ABTB3: variants seen among roughly 807,000 people sequenced by gnomAD.
The protein encoded by ABTB3 is ankyrin repeat and BTB domain containing 3, also known as ankyrin repeat- and BTB/POZ domain-containing protein 3.
At chr12:107,601,095 G>C in the ABTB3 span, among the ~76,000 whole-genome samples, 1 of 152,180 alleles carries the variant, frequency 6.6e-6, no homozygotes, top group Non-Finnish European at 1.5e-5. Flanking sequence ...GTGCTAAGTG[G>C]TTCAAAAGAA....
chr12:107,500,063 G>GAGGA, the ABTB3 span, among the ~76,000 whole-genome samples: 1 of 152,116 alleles, frequency 6.6e-6, no homozygotes, highest in Non-Finnish European at 1.5e-5. Context: ...AACAGCCATG[G>GAGGA]AGGAAATCAC....
the ABTB3 span, among the ~76,000 whole-genome samples, chr12:107,499,468 T>C: frequency 2.6e-5 from 4 of 152,112 alleles, no homozygotes; most frequent in Non-Finnish European, 5.9e-5. Flanking sequence ...AAAGGCTCTC[T>C]AATAAATTAA....
the ABTB3 span, chr12:107,581,417 G>C: frequency 1.1e-6 from 1 of 873,302 alleles, no homozygotes; most frequent in Non-Finnish European, 1.5e-6. Context: ...CACCTCGGCG[G>C]CGCTGGGGTG....
chr12:107,574,335 T>C, the ABTB3 span, among the ~76,000 whole-genome samples: 8 of 152,242 alleles, frequency 5.3e-5, no homozygotes, highest in African/African-American at 1.9e-4. Flanking sequence ...CTTCCCTGGT[T>C]TCTGACTTGA....
the ABTB3 span, among the ~76,000 whole-genome samples, chr12:107,439,558 C>A: frequency 6.6e-6 from 1 of 152,184 alleles, no homozygotes; most frequent in Admixed American, 6.5e-5. Context: ...CCCACCTCTC[C>A]TTCCCCCTGC....
the ABTB3 span, among the ~76,000 whole-genome samples, chr12:107,564,182 G>A: frequency 6.6e-6 from 1 of 151,298 alleles, no homozygotes; most frequent in Non-Finnish European, 1.5e-5. Context: ...TTAGGGTTGG[G>A]AGGGGCTCTG....
the ABTB3 span, among the ~76,000 whole-genome samples, chr12:107,611,584 T>C: frequency 3.3e-5 from 5 of 152,248 alleles, no homozygotes; most frequent in African/African-American, 1.2e-4. Context: ...CAAATTACTT[T>C]TATTAATAAT....
the ABTB3 span, among the ~76,000 whole-genome samples, chr12:107,410,532 G>A: frequency 6.6e-6 from 1 of 152,218 alleles, no homozygotes; most frequent in Admixed American, 6.5e-5. Flanking sequence ...GAAGGGAATA[G>A]AGTTCCTGCA....
the ABTB3 span, among the ~76,000 whole-genome samples, chr12:107,422,337 G>T: frequency 6.6e-6 from 1 of 152,196 alleles, no homozygotes; most frequent in East Asian, 1.9e-4. Context: ...GGCCAGATCT[G>T]CAAGGCCTTA....
At chr12:107,423,085 T>C in the ABTB3 span, among the ~76,000 whole-genome samples, 1 of 151,822 alleles carries the variant, frequency 6.6e-6, no homozygotes, top group Non-Finnish European at 1.5e-5. Flanking sequence ...TCTTGTGTGC[T>C]CAATCTGGAA....
the ABTB3 span, among the ~76,000 whole-genome samples, chr12:107,427,638 C>T: frequency 5.6e-4 from 85 of 152,288 alleles, no homozygotes; most frequent in East Asian, 9.5e-3. Context: ...GAATTGATCA[C>T]ATCTGCAGAG....
At chr12:107,451,668 C>T in the ABTB3 span, among the ~76,000 whole-genome samples, 1 of 151,938 alleles carries the variant, frequency 6.6e-6, no homozygotes, top group African/African-American at 2.4e-5. Flanking sequence ...TCTCCACCCC[C>T]ACCTTTCCTT....
the ABTB3 span, among the ~76,000 whole-genome samples, chr12:107,619,727 T>C: frequency 6.6e-6 from 1 of 152,212 alleles, no homozygotes; most frequent in African/African-American, 2.4e-5. Context: ...TCTAATAATA[T>C]GAGCAGCATA....
At chr12:107,325,530 G>A in the ABTB3 span, among the ~76,000 whole-genome samples, 1 of 152,110 alleles carries the variant, frequency 6.6e-6, no homozygotes, top group African/African-American at 2.4e-5. Flanking sequence ...TCAGTGCTGG[G>A]GCATTTGCAA....
the ABTB3 span, among the ~76,000 whole-genome samples, chr12:107,554,334 A>C: frequency 1.3e-5 from 2 of 150,314 alleles, no homozygotes; most frequent in Non-Finnish European, 3.0e-5. Flanking sequence ...ATCAATTAGG[A>C]AGAATAGTTC....
the ABTB3 span, among the ~76,000 whole-genome samples, chr12:107,547,195 AAGAAGAAGG>A: frequency 1.6e-4 from 24 of 151,484 alleles, no homozygotes; most frequent in African/African-American, 5.8e-4. Context: ...CCCTGTCTTG[AAGAAGAAGG>A]AGAAGAAGGA....
chr12:107,642,454 C>T, the ABTB3 span, among the ~76,000 whole-genome samples: 3 of 152,080 alleles, frequency 2.0e-5, no homozygotes, highest in Admixed American at 6.6e-5. Context: ...GGGGCGGGGA[C>T]AGTGACTGAG....
At chr12:107,586,409 C>T in the ABTB3 span, among the ~76,000 whole-genome samples, 5 of 152,136 alleles carry the variant, frequency 3.3e-5, no homozygotes, top group Admixed American at 1.3e-4. Flanking sequence ...CTCACAGAGT[C>T]AGAAACTTCT....
the ABTB3 span, among the ~76,000 whole-genome samples, chr12:107,479,055 A>G: frequency 6.6e-6 from 1 of 152,160 alleles, no homozygotes; most frequent in African/African-American, 2.4e-5. Context: ...TTGAGAATGA[A>G]CAGGTTTTGA....
Sources: gnomAD v4.1 joint callset for allele counts (sites outside exome capture counted in the v4.1 genomes callset) on GRCh38, gnomAD v4.1.1 for gene constraint, MANE v1.5 for transcripts, NCBI Gene and HGNC (gene_info 2026-07-23, HGNC 2026-07-21) for gene names.